Variants in RANBP17 observed in about 807,000 individuals in gnomAD.
RANBP17 encodes the protein RAN binding protein 17.
RANBP17 carries 158 observed loss-of-function variants against 141.2 expected under a neutral mutation model. That is an observed-to-expected ratio of 1.12 (90% confidence interval 0.98 to 1.28). The LOEUF (loss-of-function observed/expected upper bound fraction) is 1.28, where lower values mean the gene tolerates loss of function less well. Ranked by LOEUF, RANBP17 falls within the 50% of genes most tolerant of loss-of-function variation. RANBP17 has a pLI of 0.00. For synonymous variants in RANBP17, 430 were observed against 450.0 expected, an observed-to-expected ratio of 0.96 and a Z score of 0.56; for missense variants, 1,438 against 1,290.7, an observed-to-expected ratio of 1.11 and a Z score of -1.75.
chr5:170,961,037 C>T (rs1245904131), intron 13 of RANBP17, among the ~76,000 whole-genome samples: 1 of 152,214 alleles, frequency 6.6e-6, no homozygotes, highest in Non-Finnish European at 1.5e-5. Flanking sequence ...TGAGCCACTG[C>T]ACCCGGCCCC....
intron 14 of RANBP17, among the ~76,000 whole-genome samples, chr5:170,993,536 AAATATGT>A (rs1052436526): frequency 6.6e-6 from 1 of 152,112 alleles, no homozygotes; most frequent in Non-Finnish European, 1.5e-5. Context: ...TGTCTTAGAC[AAATATGT>A]AATATCTCTA....
intron 8 of RANBP17, among the ~76,000 whole-genome samples, chr5:170,915,530 T>C (rs1233772828): frequency 6.6e-6 from 1 of 152,152 alleles, no homozygotes; most frequent in Admixed American, 6.6e-5. Context: ...TTTTTGTTTT[T>C]GTTTTTAATT....
At chr5:171,285,385 A>T (rs1042014557) in intron 25 of RANBP17, among the ~76,000 whole-genome samples, 2 of 152,240 alleles carry the variant, frequency 1.3e-5, no homozygotes, top group African/African-American at 4.8e-5. Flanking sequence ...AACCAAAAAT[A>T]AGTGTCACTT....
chr5:171,050,519 A>G (rs912776232), intron 14 of RANBP17, among the ~76,000 whole-genome samples: 37 of 152,186 alleles, frequency 2.4e-4, no homozygotes, highest in Admixed American at 2.1e-3. Context: ...TCAGGAGTTC[A>G]AGACCAGCAA....
intron 14 of RANBP17, among the ~76,000 whole-genome samples, chr5:171,063,701 C>T (rs1044854947): frequency 4.6e-5 from 7 of 152,222 alleles, no homozygotes; most frequent in African/African-American, 1.7e-4. Flanking sequence ...AGCTCTCAGA[C>T]AGGGACATTT....
intron 14 of RANBP17, among the ~76,000 whole-genome samples, chr5:171,065,314 G>C (rs568587647): frequency 1.3e-5 from 2 of 152,180 alleles, no homozygotes; most frequent in South Asian, 4.2e-4. Context: ...GTGGGGTGAA[G>C]GGGACGGTTT....
intron 5 of RANBP17, among the ~76,000 whole-genome samples, chr5:170,908,713 AG>A (rs1003746558): frequency 2.4e-4 from 36 of 151,876 alleles, no homozygotes; most frequent in Non-Finnish European, 3.5e-4. Context: ...CATTGGGTAT[AG>A]GTTCCATAAC....
At chr5:170,976,414 A>G (rs1337645224) in intron 14 of RANBP17, among the ~76,000 whole-genome samples, 1 of 152,160 alleles carries the variant, frequency 6.6e-6, no homozygotes, top group Non-Finnish European at 1.5e-5. Flanking sequence ...GTGCTCTTCA[A>G]ATTGATCTAC....
chr5:171,213,509 C>G lies in RANBP17; in HGVS notation c.2232-122C>G, dbSNP rs116450332. 1,064 of 701,144 alleles carry G rather than the reference C, an allele frequency of 1.5e-3. 11 individuals carry two copies. The African/African-American group carries it at 0.018, about 12-fold the overall frequency. 43.4% of individuals were successfully genotyped at this position (701,144 alleles called of 1,614,324 possible). A position where few individuals can be genotyped will look rare whatever the true frequency, so the allele number is the denominator to read the frequency against. On this transcript the variant is annotated intron_variant, in intron 20 of 27. Transcript: ENST00000523189. ...GCCATTGTATAGTATAGACATAGAA[C>G]AAATTAGTATAAATATAGAACAAAT...
intron 24 of RANBP17, chr5:171,252,227 T>C: frequency 1.9e-6 from 3 of 1,572,858 alleles, no homozygotes; most frequent in African/African-American, 1.4e-5. Flanking sequence ...ATTGCTGATA[T>C]TTTACAAGAA....
At chr5:170,902,268 AGTT>A (rs1319902502) in intron 5 of RANBP17, among the ~76,000 whole-genome samples, 3 of 151,858 alleles carry the variant, frequency 2.0e-5, no homozygotes, top group African/African-American at 7.3e-5. Context: ...TATTTCATTA[AGTT>A]GTTATTAATC....
intron 11 of RANBP17, among the ~76,000 whole-genome samples, chr5:170,921,603 A>G (rs1772472473): frequency 6.6e-6 from 1 of 152,148 alleles, no homozygotes. Flanking sequence ...ACTTTAAAGT[A>G]GCTTTTTCCA....
chr5:171,285,768 T>A (rs376961762), intron 25 of RANBP17, among the ~76,000 whole-genome samples: 5 of 152,226 alleles, frequency 3.3e-5, no homozygotes, highest in African/African-American at 1.2e-4. Flanking sequence ...TTGCTGTTGC[T>A]CCACAGTACA....
At chr5:171,263,402 A>G (rs1022018995) in intron 24 of RANBP17, among the ~76,000 whole-genome samples, 3 of 152,234 alleles carry the variant, frequency 2.0e-5, no homozygotes, top group African/African-American at 7.2e-5. Flanking sequence ...GACTTCTGAT[A>G]AGCAACTTAA....
At chr5:171,110,675 G>A (rs1420623441) in intron 14 of RANBP17, among the ~76,000 whole-genome samples, 2 of 151,990 alleles carry the variant, frequency 1.3e-5, no homozygotes, top group Non-Finnish European at 2.9e-5. Flanking sequence ...AGATCAAAAA[G>A]AACAGGGCCA....
At chr5:171,280,236 C>G (rs1280847652) in intron 25 of RANBP17, among the ~76,000 whole-genome samples, 1 of 152,128 alleles carries the variant, frequency 6.6e-6, no homozygotes, top group Admixed American at 6.6e-5. Context: ...TCATTTCTCT[C>G]TTAACTCATG....
intron 14 of RANBP17, among the ~76,000 whole-genome samples, chr5:171,164,190 A>G (rs1759524128): frequency 6.6e-6 from 1 of 152,104 alleles, no homozygotes; most frequent in Non-Finnish European, 1.5e-5. Flanking sequence ...AATCTTTAGG[A>G]ACTAATATTC....
intron 14 of RANBP17, among the ~76,000 whole-genome samples, chr5:171,065,320 G>A (rs537668590): frequency 2.0e-5 from 3 of 152,112 alleles, no homozygotes; most frequent in South Asian, 2.1e-4. Context: ...TGAAGGGGAC[G>A]GTTTTGGCAT....
intron 12 of RANBP17, among the ~76,000 whole-genome samples, chr5:170,947,894 A>G (rs1009927929): frequency 6.6e-6 from 1 of 152,196 alleles, no homozygotes; most frequent in Non-Finnish European, 1.5e-5. Flanking sequence ...GGTTAGGCAC[A>G]GTACTAGGAT....
Sources: allele counts gnomAD v4.1 joint callset (sites outside exome capture counted in the v4.1 genomes callset), GRCh38; gene constraint gnomAD v4.1.1; transcripts MANE v1.5; gene names NCBI Gene and HGNC (gene_info 2026-07-23, HGNC 2026-07-21).